Variants in FKTN observed in about 807,000 individuals in gnomAD.
FKTN encodes the protein fukutin.
Under a neutral mutation model 58.6 loss-of-function variants are expected in FKTN, and 47 were observed. That is an observed-to-expected ratio of 0.80 (90% CI 0.63 to 1.02). FKTN has a LOEUF of 1.02. Among genes scored for constraint, FKTN ranks in the 50% least tolerant of loss-of-function variants. FKTN has a pLI of 0.00. For missense variants in FKTN, 516 were observed against 537.3 expected, an observed-to-expected ratio of 0.96 and a Z score of 0.39; for synonymous variants, 178 against 191.9, an observed-to-expected ratio of 0.93 and a Z score of 0.60.
chr9:105,573,091 C>T (rs538024429), intron 1 of FKTN, among the ~76,000 whole-genome samples: 8 of 151,912 alleles, frequency 5.3e-5, no homozygotes, highest in South Asian at 2.1e-4. Flanking sequence ...AAAAATTAGC[C>T]GAGTGTGGTG....
chr9:105,574,279 G>A (rs537736666), intron 2 of FKTN: 9 of 152,076 alleles, frequency 5.9e-5, no homozygotes, highest in Admixed American at 4.6e-4. Flanking sequence ...AGGAATAAAT[G>A]TAAGCATTTG....
intron 3 of FKTN, among the ~76,000 whole-genome samples, chr9:105,576,265 C>A (rs531041578): frequency 7.9e-5 from 12 of 151,844 alleles, no homozygotes; most frequent in African/African-American, 2.2e-4. Flanking sequence ...GTGCTGCACC[C>A]ACTAACTCGT....
intron 5 of FKTN, among the ~76,000 whole-genome samples, chr9:105,602,890 C>A (rs1001270568): frequency 9.9e-5 from 15 of 152,168 alleles, no homozygotes; most frequent in African/African-American, 3.4e-4. Context: ...ATAGTCCCCC[C>A]TAAAACATCC....
chr9:105,639,478 G>C lies in FKTN; in HGVS notation c.*4214G>C, dbSNP rs945563121. ...CTAAGGGTTTTTAGGGGGATTAAAT[G>C]AAGTATACAGTTCTTAGCCTCAGGC... On this transcript the variant is annotated 3_prime_UTR_variant, in exon 11 of 11. Coordinates refer to ENST00000357998, the MANE Select transcript of FKTN (RefSeq NM_001079802.2). 6.0e-6 allele frequency: 4 copies of C among 670,528 alleles called. No individual in the cohort carries two copies. The African/African-American group carries it at 7.8e-5, about 13-fold the overall frequency. The allele number at this position is 670,528 out of a possible 1,614,324, so 41.5% of individuals were successfully genotyped here. A position where few individuals can be genotyped will look rare whatever the true frequency, so the allele number is the denominator to read the frequency against.
At chr9:105,618,175 G>A in intron 9 of FKTN, 83 bp downstream of exon 9, 1 of 1,086,490 alleles carries the variant, frequency 9.2e-7, no homozygotes, top group Non-Finnish European at 1.4e-6. Flanking sequence ...ATATGGTTAA[G>A]AATGCTACAT....
intron 3 of FKTN, among the ~76,000 whole-genome samples, chr9:105,587,911 A>G (rs914199946): frequency 6.6e-6 from 1 of 152,228 alleles, no homozygotes; most frequent in African/African-American, 2.4e-5. Context: ...AAAGAGAAAC[A>G]CTGAGAGGCA....
At chr9:105,567,561 A>C (rs574980258) in intron 1 of FKTN, among the ~76,000 whole-genome samples, 1 of 152,356 alleles carries the variant, frequency 6.6e-6, no homozygotes, top group South Asian at 2.1e-4. Flanking sequence ...AGAGAATAAA[A>C]TACCTAGGAA....
intron 3 of FKTN, among the ~76,000 whole-genome samples, chr9:105,592,775 T>C (rs1293522312): frequency 6.6e-6 from 1 of 152,236 alleles, no homozygotes; most frequent in African/African-American, 2.4e-5. Flanking sequence ...GACTTTTTGC[T>C]TCACCTCCCA....
In FKTN at chr9:105,636,165, T is replaced by G. The variant is rs1834019016; in HGVS notation, c.*901T>G. ...ATGTACATTTTATATTTTCTGAATT[T>G]ATAATCTGTGCACTCCCAATTTTAA... On this transcript the variant is annotated 3_prime_UTR_variant, in exon 11 of 11. Transcript: ENST00000357998. The G allele has an allele frequency of 4.7e-5, 44 of 932,328 alleles. No individual in the cohort carries two copies. Among genetic ancestry groups the G allele is most frequent in the Non-Finnish European group, 5.6e-5 (44 of 781,640 alleles). 57.8% of individuals were successfully genotyped at this position (932,328 alleles called of 1,614,324 possible).
intron 3 of FKTN, among the ~76,000 whole-genome samples, chr9:105,595,076 A>T (rs983392572): frequency 7.2e-5 from 11 of 152,208 alleles, no homozygotes; most frequent in African/African-American, 2.4e-4. Context: ...GAAAAACCAG[A>T]TGTAAAAGGC....
intron 10 of FKTN, among the ~76,000 whole-genome samples, chr9:105,625,971 T>G (rs547445667): frequency 6.6e-5 from 10 of 152,312 alleles, no homozygotes; most frequent in Admixed American, 3.3e-4. Flanking sequence ...TTTTTTTATT[T>G]TATATAAACT....
chr9:105,568,606 T>G lies in FKTN; in HGVS notation c.-180-5049T>G, dbSNP rs189917334. ...ATGATAAGATACCATCTCACACCAG[T>G]TAGAATGGCGATCATTAAAAAGTCA... On this transcript the variant is annotated intron_variant, in intron 1 of 10. Coordinates refer to ENST00000357998, the MANE Select transcript of FKTN (RefSeq NM_001079802.2). 8.4e-3 allele frequency among the ~76,000 whole-genome samples: 1,275 copies of G among 152,262 alleles called. 21 individuals are homozygous for G. The highest frequency in any genetic ancestry group is 0.029 in the African/African-American group (1,218 of 41,532).
rs1386755075 is a variant in FKTN at position 105,558,139 on chromosome 9, A to C, written c.-207A>C. ...GGTTGCTGTGAGTGCCGTAAAGCGG[A>C]GCGGCTGCAGCCTGCTGTTGAGTGA... On this transcript the variant is annotated 5_prime_UTR_variant, in exon 1 of 11. Transcript: ENST00000357998. 6.6e-6 allele frequency: 1 copy of C among 152,102 alleles called. No individual in the cohort carries two copies. Among genetic ancestry groups the C allele is most frequent in the Non-Finnish European group, 1.5e-5 (1 of 68,128 alleles). The allele number at this position is 152,102 out of a possible 1,614,324, so 9.4% of individuals were successfully genotyped here. A position where few individuals can be genotyped will look rare whatever the true frequency, so the allele number is the denominator to read the frequency against.
intron 3 of FKTN, among the ~76,000 whole-genome samples, chr9:105,592,108 C>T (rs1019726865): frequency 6.6e-6 from 1 of 152,220 alleles, no homozygotes; most frequent in South Asian, 2.1e-4. Flanking sequence ...TTTGAAATGC[C>T]TTCAAAGCCT....
At chr9:105,603,147 T>C (rs1157329272) in intron 5 of FKTN, among the ~76,000 whole-genome samples, 1 of 152,204 alleles carries the variant, frequency 6.6e-6, no homozygotes, top group Admixed American at 6.5e-5. Context: ...GCCTATTTTG[T>C]CTGTCAGTCT....
intron 1 of FKTN, among the ~76,000 whole-genome samples, chr9:105,558,526 A>C (rs1837627661): frequency 6.6e-6 from 1 of 152,096 alleles, no homozygotes; most frequent in Non-Finnish European, 1.5e-5. Flanking sequence ...TTGGCCTCTC[A>C]AAGTGCTGAG....
At chr9:105,567,764 C>T (rs1444264414) in intron 1 of FKTN, among the ~76,000 whole-genome samples, 2 of 152,218 alleles carry the variant, frequency 1.3e-5, no homozygotes, top group Non-Finnish European at 2.9e-5. Flanking sequence ...CTACCAATGA[C>T]TTTCTTCACA....
intron 3 of FKTN, among the ~76,000 whole-genome samples, chr9:105,593,134 G>C (rs1228711976): frequency 1.3e-5 from 2 of 152,160 alleles, no homozygotes; most frequent in Non-Finnish European, 2.9e-5. Context: ...CATGATACTG[G>C]CATCTGCTTG....
chr9:105,598,152 G>A (rs1257405854), intron 4 of FKTN: 3 of 468,450 alleles, frequency 6.4e-6, no homozygotes, highest in Middle Eastern at 6.5e-4. Context: ...CGGTACGCAA[G>A]CAAAAAGTTG....
Sources: gnomAD v4.1 joint callset for allele counts (sites outside exome capture counted in the v4.1 genomes callset) on GRCh38, gnomAD v4.1.1 for gene constraint, MANE v1.5 for transcripts, NCBI Gene and HGNC (gene_info 2026-07-23, HGNC 2026-07-21) for gene names.